The following ATL2 variants were observed in gnomAD, a reference collection of about 807,000 sequenced individuals.
ATL2 encodes the protein atlastin GTPase 2.
In ATL2, 31 loss-of-function variants were observed where a neutral mutation model predicts 73.9. The ratio of observed to expected loss-of-function variants is 0.42; its 90% confidence interval spans 0.32 to 0.57. The LOEUF (loss-of-function observed/expected upper bound fraction) is 0.57, where lower values mean the gene tolerates loss of function less well. ATL2 is among the 20% of genes least tolerant of loss of function. The pLI is 0.14. For synonymous variants in ATL2, 291 were observed against 237.5 expected (o/e 1.23, Z -2.07); for missense variants, 738 against 702.6 (o/e 1.05, Z -0.57).
rs560270207 is a variant in ATL2 at position 38,330,077 on chromosome 2, C to T, written c.364-11058G>A. Among the ~76,000 whole-genome samples the T allele has an allele frequency of 4.0e-4, 60 of 150,794 alleles. No individual in the cohort carries two copies. The Middle Eastern group carries it at 0.017, about 43-fold the overall frequency. On this transcript the variant is annotated intron_variant, in intron 2 of 12. Transcript: ENST00000378954. Reference sequence around the variant, plus strand: ...CCAGGAAGCAGAGGTTGCAGTGAGCCGAGATTGTGCCACTGCACTCCAGCC... The same window carrying T: ...CCAGGAAGCAGAGGTTGCAGTGAGCTGAGATTGTGCCACTGCACTCCAGCC...
At chr2:38,373,796 T>C (rs1671816004) in intron 1 of ATL2, among the ~76,000 whole-genome samples, 1 of 152,236 alleles carries the variant, frequency 6.6e-6, no homozygotes, top group South Asian at 2.1e-4. Flanking sequence ...AACAGAATTG[T>C]TCTACTTCCT....
chr2:38,296,180 A>T (rs1388772744), intron 12 of ATL2, 67 bp from the exon 13 acceptor site: 2 of 1,467,534 alleles, frequency 1.4e-6, no homozygotes, highest in Non-Finnish European at 1.8e-6. Flanking sequence ...ATATAAAAAT[A>T]GATATAAAAA....
intron 9 of ATL2, among the ~76,000 whole-genome samples, chr2:38,306,120 A>G (rs1439455297): frequency 6.6e-6 from 1 of 152,206 alleles, no homozygotes; most frequent in Non-Finnish European, 1.5e-5. Context: ...GAACAACTAT[A>G]TGCCAATAAA....
intron 1 of ATL2, among the ~76,000 whole-genome samples, chr2:38,370,214 C>T (rs1442226805): frequency 3.4e-5 from 5 of 149,140 alleles, no homozygotes; most frequent in Non-Finnish European, 7.4e-5. Context: ...CCTGTAATCC[C>T]AGCACTTTGG....
At chr2:38,301,629 C>A (rs529861937) in intron 9 of ATL2, among the ~76,000 whole-genome samples, 345 of 152,318 alleles carry the variant, frequency 2.3e-3, no homozygotes, top group African/African-American at 8.0e-3. Flanking sequence ...CGCTGCCCTG[C>A]CACAGTGGAA....
intron 1 of ATL2, among the ~76,000 whole-genome samples, chr2:38,356,025 A>T (rs1029787869): frequency 9.2e-5 from 14 of 151,860 alleles, no homozygotes; most frequent in Admixed American, 9.2e-4. Context: ...AACTCTAAGT[A>T]ATCAATATAA....
At chr2:38,369,144 T>C (rs368401921) in intron 1 of ATL2, among the ~76,000 whole-genome samples, 7 of 152,038 alleles carry the variant, frequency 4.6e-5, no homozygotes, top group South Asian at 4.1e-4. Flanking sequence ...TGGATCTAGC[T>C]TTTTCTTGAA....
chr2:38,377,002 G>A (rs551506105), intron 1 of ATL2, 141 bp downstream of exon 1: 11 of 598,400 alleles, frequency 1.8e-5, no homozygotes, highest in Non-Finnish European at 2.9e-5. Flanking sequence ...GGCTAGGCCC[G>A]GCGGGCAGGC....
intron 2 of ATL2, among the ~76,000 whole-genome samples, chr2:38,322,403 T>C (rs1668376590): frequency 6.6e-6 from 1 of 152,214 alleles, no homozygotes; most frequent in South Asian, 2.1e-4. Context: ...GTTGGTACTC[T>C]AAGTATTTCT....
At chr2:38,329,423 C>CAAAAAAAAAAAAAAAAAAA (rs70954711) in intron 2 of ATL2, among the ~76,000 whole-genome samples, 9 of 13,672 alleles carry the variant, frequency 6.6e-4, no homozygotes, top group Admixed American at 1.6e-3. Flanking sequence ...ACTCCATCTC[C>CAAAAAAAAAAAAAAAAAAA]AAAAAAAAAA....
chr2:38,332,433 T>C (rs1669053669), intron 2 of ATL2, among the ~76,000 whole-genome samples: 1 of 152,112 alleles, frequency 6.6e-6, no homozygotes, highest in African/African-American at 2.4e-5. Flanking sequence ...CTCAAACTCC[T>C]GGGCTCAAGC....
chr2:38,345,088 A>C lies in ATL2; in HGVS notation c.119-1576T>G, dbSNP rs552940201. On this transcript the variant is annotated intron_variant, in intron 1 of 12. Coordinates refer to ENST00000378954, the MANE Select transcript of ATL2 (RefSeq NM_001135673.4). ...ACCTTGTCTGACTTTCTTCTCTACC[A>C]ACTGCTTGATCCCACGTAGCAACTA... Among the ~76,000 whole-genome samples the C allele has an allele frequency of 1.1e-4, 17 of 152,248 alleles. No homozygotes were observed. In the South Asian group the frequency reaches 2.7e-3, roughly 24 times the overall value.
chr2:38,297,588 T>C (rs1251804545), intron 12 of ATL2, among the ~76,000 whole-genome samples: 2 of 152,182 alleles, frequency 1.3e-5, no homozygotes, highest in African/African-American at 4.8e-5. Context: ...TTCATGGCGC[T>C]TTGCTTTACT....
intron 2 of ATL2, among the ~76,000 whole-genome samples, chr2:38,322,132 C>G (rs1668360607): frequency 6.6e-6 from 1 of 151,842 alleles, no homozygotes; most frequent in Non-Finnish European, 1.5e-5. Context: ...CTGCTCCTAT[C>G]AAAGTGCCTT....
At chr2:38,337,027 T>C (rs1242233551) in intron 2 of ATL2, among the ~76,000 whole-genome samples, 1 of 152,124 alleles carries the variant, frequency 6.6e-6, no homozygotes, top group African/African-American at 2.4e-5. Flanking sequence ...GGATGTAATC[T>C]GCAAATCCAG....
chr2:38,319,168 G>C, intron 2 of ATL2, 149 bp from the exon 3 acceptor site: 2 of 849,842 alleles, frequency 2.4e-6, no homozygotes, highest in South Asian at 1.7e-5. Context: ...TTACAAAGCA[G>C]TCCTTAAATC....
intron 2 of ATL2, among the ~76,000 whole-genome samples, chr2:38,327,866 G>A (rs1668759287): frequency 6.6e-6 from 1 of 152,202 alleles, no homozygotes. Flanking sequence ...AATCAGAGAG[G>A]CGGAGGTTGC....
chr2:38,328,419 C>G (rs1668790426), intron 2 of ATL2, among the ~76,000 whole-genome samples: 1 of 152,186 alleles, frequency 6.6e-6, no homozygotes, highest in Non-Finnish European at 1.5e-5. Flanking sequence ...TAGACCATAT[C>G]CTGAGCCTTA....
rs59215933 is a variant in ATL2, at chr2:38,343,149, TAAA to T, written c.363+116_363+118del. 3,115 of 362,470 alleles carry T rather than the reference TAAA, an allele frequency of 8.6e-3. 16 individuals carry two copies. The highest frequency in any genetic ancestry group is 0.04 in the African/African-American group (942 of 23,380). 22.5% of individuals were successfully genotyped at this position (362,470 alleles called of 1,614,324 possible). A position where few individuals can be genotyped will look rare whatever the true frequency, so the allele number is the denominator to read the frequency against. ...GGTAACAGAGTGAGACCACTTAAAT[TAAA>T]AAAAAAAAAAAAAAAAAAAAAAAAA... On this transcript the variant is annotated intron_variant, in intron 2 of 12. Coordinates refer to ENST00000378954, the MANE Select transcript of ATL2 (RefSeq NM_001135673.4).
Sources: allele counts gnomAD v4.1 joint callset (sites outside exome capture counted in the v4.1 genomes callset), GRCh38; gene constraint gnomAD v4.1.1; transcripts MANE v1.5; gene names NCBI Gene and HGNC (gene_info 2026-07-23, HGNC 2026-07-21).